The following LMF1 variants were observed in gnomAD, a reference collection of about 807,000 sequenced individuals.
LMF1 encodes transmembrane protein 112.
In LMF1, 68 loss-of-function variants were observed where a neutral mutation model predicts 60.6. The observed-to-expected ratio is 1.12, with a 90% CI of 0.92 to 1.37. The LOEUF (loss-of-function observed/expected upper bound fraction) is 1.37. Ranked by LOEUF, LMF1 falls within the 40% of genes most tolerant of loss-of-function variation. LMF1 has a pLI of 0.00. For synonymous variants in LMF1, 418 were observed against 324.7 expected (o/e 1.29, Z -3.09); for missense variants, 948 against 767.2 (o/e 1.24, Z -2.78).
intron 2 of LMF1, among the ~76,000 whole-genome samples, chr16:953,287 A>C (rs1394759031): frequency 2.8e-4 from 5 of 18,152 alleles, no homozygotes; most frequent in African/African-American, 5.7e-4. Flanking sequence ...GTCCACACAG[A>C]CACCCCAAAC....
chr16:893,037 T>G lies in LMF1; in HGVS notation c.699A>C (p.Arg233=), dbSNP rs1395403585. The stretch of plus-strand genomic sequence containing the variant: ...AGTGGAAGTCCATGCAGGTGAGGTC[T>G]CGCCAGCACCGGTCCCCCCGGATCT... ...LIKIRGDRCW[R]DLTCMDFHYE... is the part of the protein sequence containing the mutation. The change falls in exon 5 of 11, where the codon CGA becomes CGC. Residue 233 remains arginine, a synonymous_variant. Coordinates refer to ENST00000262301, the MANE Select transcript of LMF1 (RefSeq NM_022773.4). The G allele has an allele frequency of 3.2e-6, 5 of 1,552,302 alleles. No individual in the cohort carries two copies. The highest frequency in any genetic ancestry group is 4.4e-6 in the Non-Finnish European group (5 of 1,148,058).
intron 4 of LMF1, chr16:899,505 A>T (rs2070750975): frequency 6.6e-6 from 1 of 152,212 alleles, no homozygotes; most frequent in African/African-American, 2.4e-5. Context: ...GCCCAGGACC[A>T]GGGCGGGCCT....
At chr16:925,668 C>T (rs185913574) in intron 3 of LMF1, among the ~76,000 whole-genome samples, 148 of 152,106 alleles carry the variant, frequency 9.7e-4, no homozygotes, top group African/African-American at 3.3e-3. Context: ...CTGCGGAGGT[C>T]GAGGCTGCAA....
At chr16:974,725 G>A (rs549343592), upstream of LMF1, among the ~76,000 whole-genome samples, 1 of 152,326 alleles carries the variant, frequency 6.6e-6, no homozygotes, top group Admixed American at 6.5e-5. Context: ...CTTCAGGGAG[G>A]AATGAGCCCC....
chr16:944,933 G>A (rs530869874), intron 2 of LMF1, among the ~76,000 whole-genome samples: 5 of 152,124 alleles, frequency 3.3e-5, no homozygotes, highest in East Asian at 3.9e-4. Context: ...AAAATAGGGG[G>A]CTGGGCACCG....
At chr16:922,697 G>A (rs994978212) in intron 3 of LMF1, among the ~76,000 whole-genome samples, 1 of 143,400 alleles carries the variant, frequency 7.0e-6, no homozygotes, top group South Asian at 2.5e-4. Flanking sequence ...GTGTTGTTGC[G>A]AAGGCCCTGT....
Position 854,526 on chromosome 16 carries a change from G to T in LMF1, c.*6C>A, listed in dbSNP as rs1322299528. 1.9e-6 allele frequency: 3 copies of T among 1,605,050 alleles called. No individual in the cohort carries two copies. Among genetic ancestry groups the T allele is most frequent in the Admixed American group, 3.4e-5 (2 of 59,294 alleles). On this transcript the variant is annotated 3_prime_UTR_variant, in exon 11 of 11. Transcript: ENST00000262301. Reference sequence around the variant, plus strand: ...CTGGGTCTTCGCCTTTATTTCTGGTGCACGTCTAGAGGGGCCCGGGCAGAG... The same window carrying T: ...CTGGGTCTTCGCCTTTATTTCTGGTTCACGTCTAGAGGGGCCCGGGCAGAG...
chr16:979,728 G>A (rs533920608), intron 1 of LMF1: 34 of 454,144 alleles, frequency 7.5e-5, no homozygotes, highest in Non-Finnish European at 1.3e-4. Context: ...GTCCTCACCC[G>A]GATGGCACTG....
intron 9 of LMF1, 80 bp downstream of exon 9, chr16:869,803 G>T (rs547955062): frequency 1.4e-6 from 2 of 1,438,970 alleles, no homozygotes; most frequent in Non-Finnish European, 9.5e-7. Context: ...TTCAGTGGGC[G>T]TTCTAGAAAC....
intron 3 of LMF1, among the ~76,000 whole-genome samples, chr16:918,185 G>A (rs1046578416): frequency 6.6e-6 from 1 of 152,300 alleles, no homozygotes; most frequent in African/African-American, 2.4e-5. Context: ...GAGGAATTTC[G>A]TGGACTGTTA....
At position 968,503 on chromosome 16, in the gene LMF1, G is replaced by C. The variant is rs2072973232; in HGVS notation, c.193+2285C>G. 3.3e-5 allele frequency: 5 copies of C among 152,324 alleles called. No individual in the cohort carries two copies. The South Asian group carries it at 1.0e-3, about 32-fold the overall frequency. 9.4% of individuals were successfully genotyped at this position (152,324 alleles called of 1,614,324 possible). On this transcript the variant is annotated intron_variant, in intron 1 of 10. Transcript: ENST00000262301. ...AAACCCTGGGATTCTGAGGAACAGGGAGTAGCGCACAGTCCCAGTAAAATC... is the reference window on the plus strand; with the variant it reads ...AAACCCTGGGATTCTGAGGAACAGGCAGTAGCGCACAGTCCCAGTAAAATC...
intron 4 of LMF1, chr16:899,267 G>A (rs954373571): frequency 6.6e-6 from 1 of 152,284 alleles, no homozygotes; most frequent in Non-Finnish European, 1.5e-5. Flanking sequence ...GGCCTCACAG[G>A]GGGCTGCAGC....
chr16:855,984 C>G (rs747928934), intron 10 of LMF1: 1 of 455,924 alleles, frequency 2.2e-6, no homozygotes, highest in East Asian at 7.0e-5. Context: ...TTCTTCTCTC[C>G]CCAAGTCTGA....
intron 10 of LMF1, chr16:855,407 G>C (rs2069158575): frequency 2.9e-6 from 1 of 343,814 alleles, no homozygotes; most frequent in Non-Finnish European, 5.7e-6. Context: ...GACCCCTGGT[G>C]ACCAGGCCTG....
chr16:959,500 G>A (rs1030485501), intron 1 of LMF1, among the ~76,000 whole-genome samples: 1 of 152,164 alleles, frequency 6.6e-6, no homozygotes, highest in Non-Finnish European at 1.5e-5. Flanking sequence ...AGCATTACAC[G>A]AGATGAACTT....
At position 964,762 on chromosome 16, in the gene LMF1, C is replaced by A. The variant is rs542495397; in HGVS notation, c.193+6026G>T. On this transcript the variant is annotated intron_variant, in intron 1 of 10. Coordinates refer to ENST00000262301, the MANE Select transcript of LMF1 (RefSeq NM_022773.4). ...ATACGGGTGCAAACGATTCTGCCTG[C>A]CACGTCAACCCTGCCTCGGGTGTCA... 3.3e-5 allele frequency among the ~76,000 whole-genome samples: 5 copies of A among 152,324 alleles called. No homozygotes were observed. The South Asian group carries it at 8.3e-4, about 25-fold the overall frequency.
At chr16:890,156 GGCCATTC>G (rs1429927360) in intron 5 of LMF1, among the ~76,000 whole-genome samples, 2 of 152,190 alleles carry the variant, frequency 1.3e-5, no homozygotes, top group African/African-American at 4.8e-5. Flanking sequence ...CCGGTATATG[GGCCATTC>G]CTGCCCCAGG....
chr16:946,552 C>T (rs539432167), intron 2 of LMF1, among the ~76,000 whole-genome samples: 25 of 152,358 alleles, frequency 1.6e-4, no homozygotes, highest in Non-Finnish European at 3.5e-4. Context: ...GAGGCCCGGA[C>T]AGTCCTGGTC....
chr16:937,600 T>G (rs894116927), intron 2 of LMF1, among the ~76,000 whole-genome samples: 36 of 152,346 alleles, frequency 2.4e-4, no homozygotes, highest in African/African-American at 8.4e-4. Context: ...CCCGATGCCC[T>G]GCAGATGCTG....
Sources: gnomAD v4.1 joint callset for allele counts (sites outside exome capture counted in the v4.1 genomes callset) on GRCh38, gnomAD v4.1.1 for gene constraint, MANE v1.5 for transcripts, NCBI Gene and HGNC (gene_info 2026-07-23, HGNC 2026-07-21) for gene names.